The following CNTD1 variants were observed in gnomAD, a reference collection of about 807,000 sequenced individuals.
The protein encoded by CNTD1 is cyclin N-terminal domain containing 1, also known as cyclin N-terminal domain-containing protein 1.
A neutral mutation model predicts 36.3 loss-of-function variants in CNTD1; 17 were observed. That is an observed-to-expected ratio of 0.47 (90% CI 0.32 to 0.70). CNTD1 has a LOEUF of 0.70. Ranked by LOEUF, CNTD1 falls within the 30% of genes least tolerant of loss-of-function variation. The pLI, the probability that CNTD1 is intolerant of heterozygous loss-of-function variation, is 0.03. For synonymous variants in CNTD1, 128 were observed against 153.3 expected (o/e 0.83, Z 1.22); for missense variants, 338 against 386.1 (o/e 0.88, Z 1.04).
Position 42,799,081 on chromosome 17 carries a change from T to G in CNTD1, c.14T>G (p.Met5Arg), listed in dbSNP as rs2098573548. The G allele has an allele frequency of 6.2e-7, 1 of 1,613,890 alleles. No homozygotes were observed. Reference protein sequence around the residue: MDGPMRPRSASLVDF... With the variant: MDGPRRPRSASLVDF... ...AGGCTCGTGAATATGGACGGACCCA[T>G]GAGGCCACGATCGGCCTCCCTCGTT... is the stretch of plus-strand genomic sequence containing the variant. Residue 5 changes from methionine to arginine, a missense_variant, in exon 1 of 7, where the codon ATG (methionine) becomes AGG (arginine). Transcript: ENST00000588408.
intron 1 of CNTD1, among the ~76,000 whole-genome samples, chr17:42,800,353 AGT>A (rs1323763342): frequency 6.6e-6 from 1 of 152,162 alleles, no homozygotes; most frequent in Non-Finnish European, 1.5e-5. Flanking sequence ...GGAAGGAGAC[AGT>A]GTTTCTACCA....
intron 1 of CNTD1, among the ~76,000 whole-genome samples, chr17:42,802,002 A>G (rs1243890114): frequency 6.6e-6 from 1 of 152,182 alleles, no homozygotes; most frequent in African/African-American, 2.4e-5. Flanking sequence ...GGACATATTT[A>G]CTGTCCTCTG....
chr17:42,801,552 ATGTGTGTGTGTGTGTG>A (rs144472008), intron 1 of CNTD1, among the ~76,000 whole-genome samples: 7 of 80,110 alleles, frequency 8.7e-5, no homozygotes, highest in African/African-American at 2.2e-4. Flanking sequence ...TATATAATAT[ATGTGTGTGTGTGTGTG>A]TGTGTGTGTG....
At chr17:42,807,733 C>T (rs571311493) in intron 5 of CNTD1, 35 bp from the exon 6 acceptor site, 1 of 1,442,192 alleles carries the variant, frequency 6.9e-7, no homozygotes, top group South Asian at 1.1e-5. Flanking sequence ...AAGTTCCATT[C>T]TAGCTTTAAA....
At chr17:42,807,974 G>A (rs978817542) in intron 6 of CNTD1, 110 bp downstream of exon 6, 32 of 750,804 alleles carry the variant, frequency 4.3e-5, no homozygotes, top group Admixed American at 7.1e-5. Flanking sequence ...CCAAGACCCA[G>A]GATTAGGATG....
At chr17:42,805,042 C>T (rs2054856225) in intron 3 of CNTD1, among the ~76,000 whole-genome samples, 1 of 151,804 alleles carries the variant, frequency 6.6e-6, no homozygotes, top group African/African-American at 2.4e-5. Context: ...ATACTGGTCA[C>T]CTTTCCTCCC....
chr17:42,809,327 AT>A, intron 6 of CNTD1, 37 bp from the exon 7 acceptor site: 9 of 1,570,534 alleles, frequency 5.7e-6, no homozygotes, highest in African/African-American at 1.4e-5. Flanking sequence ...ATGTGTTGAG[AT>A]TTTTTAGTAA....
At chr17:42,806,852 G>C (rs1180885390) in intron 5 of CNTD1, 34 bp downstream of exon 5, 1 of 1,607,200 alleles carries the variant, frequency 6.2e-7, no homozygotes, top group Non-Finnish European at 8.5e-7. Context: ...GCTCCTTCCA[G>C]GAACAGGGAA....
At chr17:42,806,543 C>T in intron 4 of CNTD1, 131 bp from the exon 5 acceptor site, 1 of 863,990 alleles carries the variant, frequency 1.2e-6, no homozygotes, top group Admixed American at 2.1e-5. Flanking sequence ...TCCAGCTAAA[C>T]AGGTTTCTTG....
At position 42,803,030 on chromosome 17, in the gene CNTD1, CT is replaced by C. The variant is rs1264687688; in HGVS notation, c.170-589del. Among the ~76,000 whole-genome samples, 3 of 152,326 alleles carry C rather than the reference CT, an allele frequency of 2.0e-5. No individual in the cohort carries two copies. In the East Asian group the frequency reaches 5.8e-4, roughly 29 times the overall value. The stretch of plus-strand genomic sequence containing the variant: ...AAGCCACTTCACAGTAACACACTTG[CT>C]CCTGGGGAGAGGCTCAGCCACCACA... On this transcript the variant is annotated intron_variant, in intron 1 of 6. Transcript: ENST00000588408.
In CNTD1 at chr17:42,799,055, G is replaced by A; in HGVS notation, c.-13G>A. 1 of 1,613,328 alleles carries A rather than the reference G, an allele frequency of 6.2e-7. No homozygotes were observed. The highest frequency in any genetic ancestry group is 8.5e-7 in the Non-Finnish European group (1 of 1,179,678). ...CAGTGAACCCGTCCAGGTGCCCCAAGAGGCTCGTGAATATGGACGGACCCA... is the reference window on the plus strand; with the variant it reads ...CAGTGAACCCGTCCAGGTGCCCCAAAAGGCTCGTGAATATGGACGGACCCA... On this transcript the variant is annotated 5_prime_UTR_variant, in exon 1 of 7. Transcript: ENST00000588408.
intron 5 of CNTD1, among the ~76,000 whole-genome samples, chr17:42,807,539 T>TA (rs1445981277): frequency 6.6e-6 from 1 of 151,950 alleles, no homozygotes; most frequent in East Asian, 1.9e-4. Context: ...CAGATAGAAC[T>TA]AAAAAAGGCC....
In CNTD1 at chr17:42,799,276, T is replaced by G. The variant is rs1322541226; in HGVS notation, c.169+40T>G. The stretch of plus-strand genomic sequence containing the variant: ...CCGGGGTGCTGGGTTCTTGGGAGAC[T>G]GGGGCTTGTGTCTTTCAGGCACCGA... On this transcript the variant is annotated intron_variant, in intron 1 of 6. Coordinates refer to ENST00000588408, the MANE Select transcript of CNTD1 (RefSeq NM_173478.3). The G allele has an allele frequency of 1.9e-6, 3 of 1,578,490 alleles. No homozygotes were observed. In the Admixed American group the frequency reaches 5.9e-5, roughly 31 times the overall value.
At chr17:42,805,477 T>G in intron 3 of CNTD1, 3 of 305,022 alleles carry the variant, frequency 9.8e-6, no homozygotes, top group East Asian at 6.7e-5. Context: ...GGAGAGGAAT[T>G]AGGGAGGAAA....
Position 42,798,922 on chromosome 17 carries a change from T to C in CNTD1, c.-146T>C, listed in dbSNP as rs560166227. 108 of 1,450,732 alleles carry C rather than the reference T, an allele frequency of 7.4e-5. No individual in the cohort carries two copies. In the South Asian group the frequency reaches 1.2e-3, roughly 16 times the overall value. The allele number at this position is 1,450,732 out of a possible 1,614,324, so 89.9% of individuals were successfully genotyped here. On this transcript the variant is annotated 5_prime_UTR_variant, in exon 1 of 7. Coordinates refer to ENST00000588408, the MANE Select transcript of CNTD1 (RefSeq NM_173478.3). ...GGAGGGTTCGAGGCTGTGGTGGTAA[T>C]TGGGTTTTCCTCAGACTTGAGGCGA...
At chr17:42,807,141 C>T (rs979289355) in intron 5 of CNTD1, among the ~76,000 whole-genome samples, 11 of 152,070 alleles carry the variant, frequency 7.2e-5, no homozygotes, top group Non-Finnish European at 1.5e-4. Context: ...CAGTCGCCGG[C>T]GCGGTGGCTC....
At chr17:42,800,510 T>C (rs1323270391) in intron 1 of CNTD1, among the ~76,000 whole-genome samples, 1 of 152,154 alleles carries the variant, frequency 6.6e-6, no homozygotes, top group African/African-American at 2.4e-5. Flanking sequence ...ATGTGGAAGT[T>C]TGAATGCCAA....
At chr17:42,806,985 T>C (rs1378802285) in intron 5 of CNTD1, among the ~76,000 whole-genome samples, 167 bp downstream of exon 5, 1 of 152,252 alleles carries the variant, frequency 6.6e-6, no homozygotes, top group East Asian at 1.9e-4. Flanking sequence ...TGCAGGTGAC[T>C]GAGCCTGGTC....
chr17:42,800,914 C>T (rs1411023508), intron 1 of CNTD1, among the ~76,000 whole-genome samples: 1 of 152,236 alleles, frequency 6.6e-6, no homozygotes, highest in East Asian at 1.9e-4. Context: ...CGGCCGGGCA[C>T]GGTGGCTCAC....
Sources: gnomAD v4.1 joint callset for allele counts (sites outside exome capture counted in the v4.1 genomes callset) on GRCh38, gnomAD v4.1.1 for gene constraint, MANE v1.5 for transcripts, NCBI Gene and HGNC (gene_info 2026-07-23, HGNC 2026-07-21) for gene names.